Variants in NOD1 observed in about 807,000 individuals in gnomAD.
The protein encoded by NOD1 is nucleotide-binding oligomerization domain-containing protein 1.
Under a neutral mutation model 81.2 loss-of-function variants are expected in NOD1, and 70 were observed. That is an observed-to-expected ratio of 0.86 (90% CI 0.71 to 1.05). NOD1 has a LOEUF of 1.05. NOD1 is among the 50% of genes least tolerant of loss of function. The pLI, the probability that NOD1 is intolerant of heterozygous loss-of-function variation, is 0.00. For synonymous variants in NOD1, 508 were observed against 526.9 expected (o/e 0.96, Z 0.49); for missense variants, 1,233 against 1,228.0 (o/e 1.00, Z -0.06).
chr7:30,431,429 G>A (rs1486169416), intron 12 of NOD1, among the ~76,000 whole-genome samples: 1 of 152,184 alleles, frequency 6.6e-6, no homozygotes, highest in African/African-American at 2.4e-5. Context: ...TACAGCAATG[G>A]TCCTGGCATA....
chr7:30,427,808 C>T (rs980355582), intron 13 of NOD1, among the ~76,000 whole-genome samples: 2 of 152,226 alleles, frequency 1.3e-5, no homozygotes, highest in Non-Finnish European at 2.9e-5. Context: ...TTACTACCCG[C>T]CTGACCAGCT....
chr7:30,453,276 AAAG>A (rs1275221686), intron 5 of NOD1, among the ~76,000 whole-genome samples: 2 of 152,092 alleles, frequency 1.3e-5, no homozygotes, highest in Non-Finnish European at 2.9e-5. Flanking sequence ...GATTTGCCAG[AAAG>A]AAGGTGACAA....
At chr7:30,431,085 T>C (rs2127992857) in intron 12 of NOD1, among the ~76,000 whole-genome samples, 1 of 152,310 alleles carries the variant, frequency 6.6e-6, no homozygotes, top group African/African-American at 2.4e-5. Context: ...AAGCCTGCAG[T>C]GTCCAGGCAC....
At chr7:30,445,293 A>G (rs1379238499) in intron 9 of NOD1, among the ~76,000 whole-genome samples, 1 of 149,030 alleles carries the variant, frequency 6.7e-6, no homozygotes, top group African/African-American at 2.4e-5. Context: ...AAAAAAAAAA[A>G]AAAAAAAAAG....
intron 12 of NOD1, among the ~76,000 whole-genome samples, chr7:30,431,146 A>T (rs1310297408): frequency 6.6e-6 from 1 of 152,230 alleles, no homozygotes; most frequent in African/African-American, 2.4e-5. Context: ...TTGGGAATGC[A>T]CAAAGCAGCC....
chr7:30,430,414 C>T (rs559072672), intron 12 of NOD1, among the ~76,000 whole-genome samples: 75 of 152,264 alleles, frequency 4.9e-4, no homozygotes, highest in South Asian at 3.3e-3. Flanking sequence ...GTAGTGTCTC[C>T]GCTTCATCAC....
chr7:30,430,888 G>A (rs890262113), intron 12 of NOD1, among the ~76,000 whole-genome samples: 3 of 152,224 alleles, frequency 2.0e-5, no homozygotes, highest in Non-Finnish European at 2.9e-5. Flanking sequence ...TGGGTTCAAT[G>A]GCAGAGGTAA....
intron 6 of NOD1, among the ~76,000 whole-genome samples, chr7:30,450,223 T>C (rs1583747928): frequency 6.7e-6 from 1 of 149,482 alleles, no homozygotes; most frequent in African/African-American, 2.4e-5. Flanking sequence ...GGACAGAGGG[T>C]GGCACTGAGT....
At chr7:30,477,914 C>G (rs1310768147) in intron 1 of NOD1, among the ~76,000 whole-genome samples, 1 of 152,176 alleles carries the variant, frequency 6.6e-6, no homozygotes, top group Non-Finnish European at 1.5e-5. Context: ...ACACCAACAA[C>G]CGAAATGTTT....
intron 10 of NOD1, among the ~76,000 whole-genome samples, chr7:30,436,473 T>C (rs944597875): frequency 1.3e-5 from 2 of 152,248 alleles, no homozygotes; most frequent in South Asian, 4.1e-4. Flanking sequence ...CCCCACCTTC[T>C]TGGACTCTTT....
At chr7:30,449,649 G>A (rs1470513689) in intron 6 of NOD1, among the ~76,000 whole-genome samples, 1 of 152,198 alleles carries the variant, frequency 6.6e-6, no homozygotes, top group African/African-American at 2.4e-5. Flanking sequence ...TACCAGTCCT[G>A]AACTACCTAC....
intron 1 of NOD1, among the ~76,000 whole-genome samples, chr7:30,476,499 C>A (rs1476292941): frequency 6.6e-6 from 1 of 152,140 alleles, no homozygotes. Flanking sequence ...TGTCCCTAGG[C>A]CAAGAGTCAG....
chr7:30,475,985 G>C (rs988492906), intron 1 of NOD1: 1 of 152,156 alleles, frequency 6.6e-6, no homozygotes, highest in Non-Finnish European at 1.5e-5. Flanking sequence ...GCAACTGACT[G>C]TCCCTAGAAG....
chr7:30,436,441 G>A (rs1013933663), intron 10 of NOD1, among the ~76,000 whole-genome samples: 5 of 152,224 alleles, frequency 3.3e-5, no homozygotes, highest in Admixed American at 6.5e-5. Flanking sequence ...GCAAGACCTG[G>A]CAAAGTCTCT....
Position 30,448,369 on chromosome 7 carries a change from G to T in NOD1, c.2214C>A (p.Asn738Lys), listed in dbSNP as rs749111479. The change falls in exon 7 of 14, where the codon AAC (asparagine) becomes AAA (lysine). Residue 738 changes from asparagine (N) to lysine (K), a missense_variant. By Grantham distance (94) the Asn-to-Lys change is moderately conservative. Coordinates refer to ENST00000222823, the MANE Select transcript of NOD1 (RefSeq NM_006092.4). The stretch of plus-strand genomic sequence containing the variant: ...CCTTTACCCCACCGTCAGTGATCTG[G>T]TTTACGCTGAGTCTGAAATAAAACA... ...SRLTVLRLSVNQITDGGVKVL... is the reference protein window; with the variant it reads ...SRLTVLRLSVKQITDGGVKVL... 25 of 1,613,916 alleles carry T rather than the reference G, an allele frequency of 1.5e-5. No individual in the cohort carries two copies. In the South Asian group the frequency reaches 2.6e-4, roughly 17 times the overall value.
intron 1 of NOD1, chr7:30,460,579 A>C: frequency 3.0e-6 from 3 of 985,462 alleles, no homozygotes; most frequent in Non-Finnish European, 3.6e-6. Context: ...GGCAGCCAGA[A>C]AACAGGACAC....
intron 1 of NOD1, chr7:30,468,684 T>C (rs1240052841): frequency 3.3e-6 from 1 of 300,678 alleles, no homozygotes; most frequent in African/African-American, 2.3e-5. Flanking sequence ...ATAACCCAGA[T>C]TGCAAATGTC....
chr7:30,447,348 G>A (rs1785213606), intron 7 of NOD1: 2 of 427,878 alleles, frequency 4.7e-6, no homozygotes, highest in South Asian at 4.3e-5. Flanking sequence ...GAGGATCTTA[G>A]GACATAACGC....
At chr7:30,473,284 G>A (rs1788459314) in intron 1 of NOD1, among the ~76,000 whole-genome samples, 1 of 152,188 alleles carries the variant, frequency 6.6e-6, no homozygotes, top group South Asian at 2.1e-4. Context: ...GGGAGGATGA[G>A]TAAGGAATGT....
Sources: allele counts gnomAD v4.1 joint callset (sites outside exome capture counted in the v4.1 genomes callset), GRCh38; gene constraint gnomAD v4.1.1; transcripts MANE v1.5; gene names NCBI Gene and HGNC (gene_info 2026-07-23, HGNC 2026-07-21).